The following LRRC4C variants were observed in gnomAD, a reference collection of about 807,000 sequenced individuals.
The protein encoded by LRRC4C is leucine-rich repeat-containing protein 4C.
A neutral mutation model predicts 33.6 loss-of-function variants in LRRC4C; 5 were observed. The observed-to-expected ratio is 0.15, with a 90% confidence interval of 0.08 to 0.31. The LOEUF is 0.31. Among genes scored for constraint, LRRC4C ranks in the 10% least tolerant of loss-of-function variants. LRRC4C has a pLI of 1.00. For missense variants in LRRC4C, 560 were observed against 796.7 expected (o/e 0.70, Z 3.58); for synonymous variants, 329 against 302.0 (o/e 1.09, Z -0.93).
chr11:40,684,695 C>A, intron 2 of LRRC4C, among the ~76,000 whole-genome samples: 1 of 149,364 alleles, frequency 6.7e-6, no homozygotes, highest in Admixed American at 6.7e-5. Flanking sequence ...AAATAAATAC[C>A]AAAGAAAAAA....
intron 2 of LRRC4C, among the ~76,000 whole-genome samples, chr11:40,728,756 A>C (rs1290198553): frequency 6.6e-6 from 1 of 152,180 alleles, no homozygotes; most frequent in Non-Finnish European, 1.5e-5. Context: ...GATTAGATCA[A>C]AGATCATAAG....
chr11:40,682,062 C>T (rs1040142061), intron 2 of LRRC4C, among the ~76,000 whole-genome samples: 3 of 151,840 alleles, frequency 2.0e-5, no homozygotes, highest in Non-Finnish European at 4.4e-5. Context: ...ACTCATGTAA[C>T]CAAATACCAC....
chr11:40,590,937 C>T (rs1313994866), intron 3 of LRRC4C, among the ~76,000 whole-genome samples: 1 of 152,192 alleles, frequency 6.6e-6, no homozygotes, highest in Non-Finnish European at 1.5e-5. Context: ...TTTTGTTTGT[C>T]TGTGCCCTGC....
chr11:41,008,413 T>C lies in LRRC4C; in HGVS notation c.-495-74690A>G, dbSNP rs138357818. Among the ~76,000 whole-genome samples the C allele has an allele frequency of 2.3e-4, 35 of 152,254 alleles. No homozygotes were observed. In the South Asian group the frequency reaches 5.4e-3, roughly 23 times the overall value. ...AGTTCATAGAAAATTTGCTACAGGG[T>C]ACACAGTAATCTGGTAACAGATTGA... On this transcript the variant is annotated intron_variant, in intron 1 of 6. Transcript: ENST00000528697.
chr11:41,241,760 TCTGGTCTGTGGCGA>T (rs923037480), intron 1 of LRRC4C, among the ~76,000 whole-genome samples: 4 of 152,168 alleles, frequency 2.6e-5, no homozygotes, highest in Non-Finnish European at 5.9e-5. Context: ...CGTCCTTTTA[TCTGGTCTGTGGCGA>T]CCGGTCTATC....
At chr11:40,784,074 G>T (rs915275951) in intron 2 of LRRC4C, among the ~76,000 whole-genome samples, 1 of 118,866 alleles carries the variant, frequency 8.4e-6, no homozygotes, top group African/African-American at 6.2e-5. Flanking sequence ...AATGAAAGAT[G>T]TTTATTTATA....
intron 4 of LRRC4C, among the ~76,000 whole-genome samples, chr11:40,252,672 C>T (rs946384644): frequency 1.3e-5 from 2 of 152,152 alleles, no homozygotes; most frequent in South Asian, 2.1e-4. Context: ...GGATGTGGCT[C>T]TAAGATTGGT....
chr11:40,382,333 A>C (rs1200948017), intron 3 of LRRC4C, among the ~76,000 whole-genome samples: 1 of 151,490 alleles, frequency 6.6e-6, no homozygotes, highest in African/African-American at 2.4e-5. Context: ...AATTGTAATT[A>C]TTGATGGCCT....
intron 5 of LRRC4C, among the ~76,000 whole-genome samples, chr11:40,185,926 T>C (rs1227170614): frequency 6.6e-6 from 1 of 152,168 alleles, no homozygotes; most frequent in Non-Finnish European, 1.5e-5. Context: ...CAGTTCCTTA[T>C]TGTCCTCACA....
At chr11:41,373,799 T>G (rs1288665517) in intron 1 of LRRC4C, among the ~76,000 whole-genome samples, 3 of 152,210 alleles carry the variant, frequency 2.0e-5, no homozygotes, top group Non-Finnish European at 4.4e-5. Flanking sequence ...ATTAGGATAT[T>G]AGTTTAAGCA....
intron 2 of LRRC4C, among the ~76,000 whole-genome samples, chr11:40,912,286 C>T (rs1485424179): frequency 2.0e-5 from 3 of 152,046 alleles, no homozygotes; most frequent in African/African-American, 7.3e-5. Context: ...ATGTTAAGGG[C>T]AGCCAGAGAG....
At chr11:40,187,440 G>T (rs375047352) in intron 5 of LRRC4C, among the ~76,000 whole-genome samples, 21 of 151,890 alleles carry the variant, frequency 1.4e-4, no homozygotes, top group Admixed American at 3.9e-4. Flanking sequence ...CTCTCAGAAG[G>T]CCTGTTGCAA....
At chr11:40,499,233 T>A (rs1051233821) in intron 3 of LRRC4C, among the ~76,000 whole-genome samples, 3 of 152,188 alleles carry the variant, frequency 2.0e-5, no homozygotes, top group African/African-American at 7.2e-5. Flanking sequence ...ATGTCTCGGC[T>A]GTGCTGTCCA....
At chr11:41,285,762 G>A (rs1389258058) in intron 1 of LRRC4C, among the ~76,000 whole-genome samples, 1 of 151,952 alleles carries the variant, frequency 6.6e-6, no homozygotes, top group African/African-American at 2.4e-5. Context: ...TTATGCAACT[G>A]GTCTTAATGT....
intron 1 of LRRC4C, among the ~76,000 whole-genome samples, chr11:41,363,030 C>T (rs892706944): frequency 3.9e-5 from 6 of 152,166 alleles, no homozygotes; most frequent in African/African-American, 1.2e-4. Flanking sequence ...ATTCATGCTA[C>T]CCCAGGTGAG....
At chr11:40,841,513 T>G (rs1433156382) in intron 2 of LRRC4C, among the ~76,000 whole-genome samples, 3 of 152,280 alleles carry the variant, frequency 2.0e-5, no homozygotes, top group African/African-American at 7.2e-5. Flanking sequence ...CAGAGTTCAC[T>G]TTTTCTTTCT....
rs952840724 is a variant in LRRC4C, at chr11:40,792,248, A to G, written c.-407+141387T>C. On this transcript the variant is annotated intron_variant, in intron 2 of 6. Transcript: ENST00000528697. Reference sequence around the variant, plus strand: ...TATGAAATCAATAATGACGCTTCCAAGGAGTAAAAAAAAAATGAACAAAAT... The same window carrying G: ...TATGAAATCAATAATGACGCTTCCAGGGAGTAAAAAAAAAATGAACAAAAT... 2.0e-5 allele frequency among the ~76,000 whole-genome samples: 3 copies of G among 152,030 alleles called. No homozygotes were observed. The East Asian group carries it at 5.8e-4, about 29-fold the overall frequency.
chr11:40,930,564 T>C (rs1957576249), intron 2 of LRRC4C, among the ~76,000 whole-genome samples: 1 of 152,188 alleles, frequency 6.6e-6, no homozygotes, highest in South Asian at 2.1e-4. Flanking sequence ...GCAAAGACTA[T>C]AAACCACATA....
intron 3 of LRRC4C, among the ~76,000 whole-genome samples, chr11:40,619,209 C>G (rs540273990): frequency 6.6e-6 from 1 of 151,672 alleles, no homozygotes; most frequent in Non-Finnish European, 1.5e-5. Flanking sequence ...ATAAGACCTA[C>G]TACTTGATAG....
Sources: gnomAD v4.1 joint callset for allele counts (sites outside exome capture counted in the v4.1 genomes callset) on GRCh38, gnomAD v4.1.1 for gene constraint, MANE v1.5 for transcripts, NCBI Gene and HGNC (gene_info 2026-07-23, HGNC 2026-07-21) for gene names.